Variants in VMP1 observed in about 807,000 individuals in gnomAD.
VMP1 encodes the protein ectopic P-granules autophagy protein 3 homolog.
A neutral mutation model predicts 56.0 loss-of-function variants in VMP1; 11 were observed. The observed-to-expected ratio is 0.20, with a 90% CI of 0.12 to 0.32. The LOEUF is 0.32. Among genes scored for constraint, VMP1 ranks in the 10% least tolerant of loss-of-function variants. The probability of loss-of-function intolerance (pLI) is 1.00; values close to 1 mark genes in which losing one functional copy is unlikely to be tolerated. For synonymous variants in VMP1, 149 were observed against 165.0 expected (o/e 0.90, Z 0.74); for missense variants, 296 against 490.3 (o/e 0.60, Z 3.74).
intron 10 of VMP1, among the ~76,000 whole-genome samples, chr17:59,826,951 A>G (rs566337364): frequency 1.8e-4 from 27 of 152,326 alleles, no homozygotes; most frequent in Non-Finnish European, 3.7e-4. Context: ...AATTCTGTCT[A>G]TTCTCCTGTG....
At chr17:59,817,231 G>T (rs185227492) in intron 9 of VMP1, among the ~76,000 whole-genome samples, 40 of 92,774 alleles carry the variant, frequency 4.3e-4, no homozygotes, top group East Asian at 2.9e-3. Flanking sequence ...TTGAGATCAC[G>T]CCATGGCACT....
At position 59,824,872 on chromosome 17, in the gene VMP1, CAAAAAAAA is replaced by C. The variant is rs1204824277; in HGVS notation, c.974+7114_974+7121del. ...TGGGTGACAGAGCAAGACTCCGTCTCAAAAAAAAAAAAAAAAAAAAAATTGGCTAGGCA... is the reference window on the plus strand; with the variant it reads ...TGGGTGACAGAGCAAGACTCCGTCTCAAAAAAAAAAAAAATTGGCTAGGCA... On this transcript the variant is annotated intron_variant, in intron 10 of 11. Coordinates refer to ENST00000262291, the MANE Select transcript of VMP1 (RefSeq NM_030938.5). 6.3e-5 allele frequency among the ~76,000 whole-genome samples: 4 copies of C among 63,002 alleles called. No homozygotes were observed. The South Asian group carries it at 1.9e-3, about 30-fold the overall frequency. The allele number at this position is 63,002 out of a possible 152,430, so 41.3% of individuals were successfully genotyped here.
At chr17:59,737,602 G>A in intron 4 of VMP1, 59 bp downstream of exon 4, 4 of 1,422,036 alleles carry the variant, frequency 2.8e-6, no homozygotes, top group Non-Finnish European at 9.6e-7. Flanking sequence ...TCTAATCTCA[G>A]TTTCAAATGG....
chr17:59,738,973 C>A (rs1328313815), intron 5 of VMP1, 26 bp downstream of exon 5: 1 of 1,508,458 alleles, frequency 6.6e-7, no homozygotes, highest in Admixed American at 2.2e-5. Context: ...TTTTAATAAG[C>A]AAAAATGATA....
chr17:59,772,984 A>G (rs2036488661), intron 6 of VMP1, among the ~76,000 whole-genome samples: 1 of 55,078 alleles, frequency 1.8e-5, no homozygotes, highest in South Asian at 5.2e-4. Flanking sequence ...TTTTTTTGAG[A>G]CAGAGTCTTG....
chr17:59,757,537 A>G (rs1440152587), intron 5 of VMP1, among the ~76,000 whole-genome samples: 9 of 152,180 alleles, frequency 5.9e-5, no homozygotes, highest in Non-Finnish European at 1.3e-4. Context: ...AAGATAAAAT[A>G]TCTTTTTCCA....
intron 10 of VMP1, among the ~76,000 whole-genome samples, chr17:59,825,860 C>T (rs866789947): frequency 2.0e-5 from 3 of 152,170 alleles, no homozygotes; most frequent in Non-Finnish European, 4.4e-5. Context: ...TGCTTGAATC[C>T]GAATGTTGTT....
intron 6 of VMP1, among the ~76,000 whole-genome samples, chr17:59,769,367 A>T (rs1046191054): frequency 6.6e-6 from 1 of 151,692 alleles, no homozygotes; most frequent in Non-Finnish European, 1.5e-5. Context: ...AAAAAGATAG[A>T]TTTTTTTAAT....
At position 59,760,460 on chromosome 17, in the gene VMP1, A is replaced by G. The variant is rs184987450; in HGVS notation, c.415-4511A>G. ...GTAATTCTGATGTCCTGTGGTTTGCATTATTTCTGATGAAAAGTCTGACCT... is the reference window on the plus strand; with the variant it reads ...GTAATTCTGATGTCCTGTGGTTTGCGTTATTTCTGATGAAAAGTCTGACCT... On this transcript the variant is annotated intron_variant, in intron 5 of 11. Transcript: ENST00000262291. Among the ~76,000 whole-genome samples the G allele has an allele frequency of 1.9e-3, 290 of 152,008 alleles. 1 individual carries two copies. The highest frequency in any genetic ancestry group is 6.9e-3 in the African/African-American group (285 of 41,470).
At chr17:59,748,887 A>T (rs1176244360) in intron 5 of VMP1, among the ~76,000 whole-genome samples, 66 of 138,748 alleles carry the variant, frequency 4.8e-4, no homozygotes, top group East Asian at 3.0e-3. Flanking sequence ...TATTATTATT[A>T]TTATTTATTT....
At chr17:59,720,017 A>G (rs944810335) in intron 1 of VMP1, among the ~76,000 whole-genome samples, 2 of 152,228 alleles carry the variant, frequency 1.3e-5, no homozygotes, top group African/African-American at 2.4e-5. Context: ...CCACAGACCT[A>G]TAAGATTTGT....
At chr17:59,763,862 T>G (rs2036142918) in intron 5 of VMP1, among the ~76,000 whole-genome samples, 1 of 152,226 alleles carries the variant, frequency 6.6e-6, no homozygotes, top group Non-Finnish European at 1.5e-5. Context: ...AAATCTCGTG[T>G]ATATATATGT....
chr17:59,802,260 TTG>T (rs989611891), intron 7 of VMP1, among the ~76,000 whole-genome samples: 2 of 151,886 alleles, frequency 1.3e-5, no homozygotes, highest in Admixed American at 1.3e-4. Flanking sequence ...TATACTTACA[TTG>T]TGTTACAATT....
chr17:59,797,353 A>AG, intron 7 of VMP1, among the ~76,000 whole-genome samples: 1 of 151,970 alleles, frequency 6.6e-6, no homozygotes, highest in East Asian at 1.9e-4. Context: ...AAAAAAAAAA[A>AG]AAAGAAAAAG....
chr17:59,817,741 G>A lies in VMP1; in HGVS notation c.942G>A (p.Lys314=), dbSNP rs1246669612. ...QKIFVIITFS[K]HIVEQMVAFI... ...TTTTTGTTATAATAACATTCAGCAA[G>A]CACATAGTGGAGCAAATGGTGGCTT... The change falls in exon 10 of 12, where the codon AAG becomes AAA. Residue 314 remains lysine (K), a synonymous_variant. Coordinates refer to ENST00000262291, the MANE Select transcript of VMP1 (RefSeq NM_030938.5). The A allele has an allele frequency of 6.2e-7, 1 of 1,607,896 alleles. No individual in the cohort carries two copies. Among genetic ancestry groups the A allele is most frequent in the Non-Finnish European group, 8.5e-7 (1 of 1,177,392 alleles).
intron 7 of VMP1, among the ~76,000 whole-genome samples, chr17:59,796,759 G>A (rs1346895358): frequency 2.0e-5 from 3 of 152,026 alleles, no homozygotes; most frequent in African/African-American, 4.8e-5. Context: ...ACATTCTTTA[G>A]AACCATCTGT....
rs772365223 is a variant in VMP1 at position 59,841,316 on chromosome 17, C to G, written c.*1405C>G. ...TTGACTGTTGAATCTCATGGCAACA[C>G]CAGTCGATGGGCTGTCTGACATTTT... On this transcript the variant is annotated 3_prime_UTR_variant, in exon 12 of 12. Transcript: ENST00000262291. The G allele has an allele frequency of 1.9e-6, 1 of 513,002 alleles. No individual in the cohort carries two copies. The highest frequency in any genetic ancestry group is 1.4e-5 in the South Asian group (1 of 69,714). 31.8% of individuals were successfully genotyped at this position (513,002 alleles called of 1,614,324 possible).
chr17:59,787,390 T>C (rs1347633390), intron 7 of VMP1, among the ~76,000 whole-genome samples: 1 of 152,206 alleles, frequency 6.6e-6, no homozygotes, highest in Non-Finnish European at 1.5e-5. Context: ...GGAAAGATAG[T>C]TGCAATGTGA....
rs1480516925 is a variant in VMP1 at position 59,842,087 on chromosome 17, C to G, written c.*2176C>G. The G allele has an allele frequency of 2.0e-5, 3 of 152,086 alleles. No homozygotes were observed. Among genetic ancestry groups the G allele is most frequent in the African/African-American group, 2.4e-5 (1 of 41,412 alleles). The allele number at this position is 152,086 out of a possible 1,614,324, so 9.4% of individuals were successfully genotyped here. On this transcript the variant is annotated 3_prime_UTR_variant, in exon 12 of 12. Coordinates refer to ENST00000262291, the MANE Select transcript of VMP1 (RefSeq NM_030938.5). ...GTGATACCCTTCTTTTTCAGCTGTT[C>G]GTGCCTTCCTTTCTTGTATCCACCA...
Sources: gnomAD v4.1 joint callset for allele counts (sites outside exome capture counted in the v4.1 genomes callset) on GRCh38, gnomAD v4.1.1 for gene constraint, MANE v1.5 for transcripts, NCBI Gene and HGNC (gene_info 2026-07-23, HGNC 2026-07-21) for gene names.